FMO5: variants seen among roughly 807,000 people sequenced by gnomAD.
FMO5 encodes the protein flavin containing dimethylaniline monoxygenase 5, also known as flavin-containing monooxygenase 5.
FMO5 carries 51 observed loss-of-function variants against 43.6 expected under a neutral mutation model. That is an observed-to-expected ratio of 1.17 (90% confidence interval 0.93 to 1.48). The LOEUF (loss-of-function observed/expected upper bound fraction) is 1.48, where lower values mean the gene tolerates loss of function less well. FMO5 is among the 40% of genes most tolerant of loss of function. The pLI, the probability that FMO5 is intolerant of heterozygous loss-of-function variation, is 0.00. For missense variants in FMO5, 644 were observed against 643.0 expected (o/e 1.00, Z -0.02); for synonymous variants, 187 against 216.5 (o/e 0.86, Z 1.20).
chr1:147,191,314 T>C (rs1377762173), intron 7 of FMO5, among the ~76,000 whole-genome samples: 2 of 152,108 alleles, frequency 1.3e-5, no homozygotes, highest in African/African-American at 2.4e-5. Context: ...TGTAAAAGTG[T>C]TCCTATTTCT....
At chr1:147,197,770 G>C (rs1658264589) in intron 7 of FMO5, among the ~76,000 whole-genome samples, 1 of 152,170 alleles carries the variant, frequency 6.6e-6, no homozygotes, top group Non-Finnish European at 1.5e-5. Context: ...AGCAGCATGA[G>C]AATGGGCTAA....
In FMO5 at chr1:147,186,441, A is replaced by G; in HGVS notation, c.*459T>C. ...AACATTATTTCTCTTATCTCTCAGG[A>G]AACATATTTAGTTATAATATGAAAA... On this transcript the variant is annotated 3_prime_UTR_variant, in exon 9 of 9. Coordinates refer to ENST00000254090, the MANE Select transcript of FMO5 (RefSeq NM_001461.4). The G allele has an allele frequency of 2.2e-6, 2 of 916,784 alleles. No homozygotes were observed. The highest frequency in any genetic ancestry group is 2.6e-6 in the Non-Finnish European group (2 of 767,420). 56.8% of individuals were successfully genotyped at this position (916,784 alleles called of 1,614,324 possible). A position where few individuals can be genotyped will look rare whatever the true frequency, so the allele number is the denominator to read the frequency against.
chr1:147,191,628 C>A (rs111641621), intron 7 of FMO5, among the ~76,000 whole-genome samples: 1 of 149,320 alleles, frequency 6.7e-6, no homozygotes, highest in Non-Finnish European at 1.5e-5. Flanking sequence ...TTCCCATTTT[C>A]TTGGTTGCCT....
In FMO5 at chr1:147,187,158, A is replaced by T. The variant is rs782223954; in HGVS notation, c.1344T>A (p.Asn448Lys). Residue 448 changes from asparagine (N) to lysine (K), a missense_variant, in exon 9 of 9, where the codon AAT becomes AAA. By Grantham distance (94) the Asn-to-Lys change is moderately conservative (BLOSUM62 0). Coordinates refer to ENST00000254090, the MANE Select transcript of FMO5 (RefSeq NM_001461.4). ...ELADLVGVRP[N>K]LLSLAFTDPK... ...GGTCAGTGAAGGCCAGAGACAGCAG[A>T]TTGGGCCTGACCCCCACCAAATCAG... The T allele has an allele frequency of 6.2e-7, 1 of 1,614,128 alleles. No individual in the cohort carries two copies. The highest frequency in any genetic ancestry group is 8.5e-7 in the Non-Finnish European group (1 of 1,180,020).
intron 2 of FMO5, 90 bp from the exon 3 acceptor site, chr1:147,216,032 G>A: frequency 1.1e-6 from 1 of 917,642 alleles, no homozygotes; most frequent in Non-Finnish European, 1.7e-6. Context: ...TTTTCTGAAA[G>A]AAGTGTCAAT....
At chr1:147,202,878 C>A (rs1361859996) in intron 6 of FMO5, among the ~76,000 whole-genome samples, 1 of 152,120 alleles carries the variant, frequency 6.6e-6, no homozygotes, top group Non-Finnish European at 1.5e-5. Context: ...TATCTGGTCA[C>A]CAAGCCTTTT....
intron 7 of FMO5, among the ~76,000 whole-genome samples, chr1:147,193,382 A>G (rs115390184): frequency 0.037 from 5,600 of 151,876 alleles, 150 homozygotes; most frequent in South Asian, 0.095. Flanking sequence ...TACTGCATCT[A>G]TTTGATTCTT....
intron 2 of FMO5, among the ~76,000 whole-genome samples, 198 bp from the exon 3 acceptor site, chr1:147,216,140 C>T (rs1553925028): frequency 6.6e-6 from 1 of 152,196 alleles, no homozygotes. Context: ...CAACAGCATA[C>T]AGTTGAAATG....
Position 147,186,462 on chromosome 1 carries a change from G to GAA in FMO5, c.*436_*437dup, listed in dbSNP as rs11387382. On this transcript the variant is annotated 3_prime_UTR_variant, in exon 9 of 9. Coordinates refer to ENST00000254090, the MANE Select transcript of FMO5 (RefSeq NM_001461.4). ...CAGGAAACATATTTAGTTATAATAT[G>GAA]AAAAAAAACTAAAATTGAGCTTCTA... is the stretch of plus-strand genomic sequence containing the variant. 115 of 943,514 alleles carry GAA rather than the reference G, an allele frequency of 1.2e-4. No homozygotes were observed. Among genetic ancestry groups the GAA allele is most frequent in the South Asian group, 1.5e-4 (3 of 20,426 alleles). 58.4% of individuals were successfully genotyped at this position (943,514 alleles called of 1,614,324 possible). A position where few individuals can be genotyped will look rare whatever the true frequency, so the allele number is the denominator to read the frequency against.
chr1:147,226,752 T>G (rs1322320314), upstream of FMO5, among the ~76,000 whole-genome samples: 1 of 152,196 alleles, frequency 6.6e-6, no homozygotes, highest in African/African-American at 2.4e-5. Context: ...GCAACTGATA[T>G]TTTGTTTGTG....
At chr1:147,219,456 C>A (rs587653177) in intron 2 of FMO5, among the ~76,000 whole-genome samples, 2 of 152,126 alleles carry the variant, frequency 1.3e-5, no homozygotes, top group African/African-American at 2.4e-5. Flanking sequence ...AAACTCTCAG[C>A]AAACTAGGAA....
At chr1:147,216,513 C>T (rs782168481) in intron 2 of FMO5, among the ~76,000 whole-genome samples, 4 of 151,996 alleles carry the variant, frequency 2.6e-5, no homozygotes, top group Admixed American at 1.3e-4. Context: ...ACATCTCCAG[C>T]GTTTTCTGGA....
intron 7 of FMO5, among the ~76,000 whole-genome samples, chr1:147,196,544 A>T (rs1658042481): frequency 6.6e-6 from 1 of 152,222 alleles, no homozygotes; most frequent in Non-Finnish European, 1.5e-5. Context: ...ATATAGATAG[A>T]TAAAGAGGTA....
Position 147,187,028 on chromosome 1 carries a change from C to G in FMO5, c.1474G>C (p.Asp492His). ...DGARKAILTT[D>H]DRIRKPLMTR... ...ATCAGAGGCTTCCTGATGCGATCAT[C>G]TGTGGTGAGGATAGCTTTTCGAGCC... The change falls in exon 9 of 9, where the codon GAT (aspartate) becomes CAT (histidine). Residue 492 changes from aspartate to histidine, a missense_variant. Physicochemically the swap from Asp to His is moderately conservative, Grantham distance 81. Transcript: ENST00000254090. The G allele has an allele frequency of 6.2e-7, 1 of 1,614,192 alleles. No homozygotes were observed. The highest frequency in any genetic ancestry group is 8.5e-7 in the Non-Finnish European group (1 of 1,180,026).
intron 3 of FMO5, 22 bp from the exon 4 acceptor site, chr1:147,213,492 A>G: frequency 6.3e-7 from 1 of 1,576,914 alleles, no homozygotes; most frequent in East Asian, 2.3e-5. Flanking sequence ...AGTGATAACC[A>G]CAGGGGACAT....
chr1:147,184,491 G>A, downstream of FMO5: 1 of 1,526,484 alleles, frequency 6.6e-7, no homozygotes, highest in Non-Finnish European at 8.8e-7. The surrounding 1 kb of genome is among the most constrained non-coding windows in gnomAD (Gnocchi z 4.4). Flanking sequence ...ACATTTAGAT[G>A]TTATGTCTCC....
chr1:147,214,012 A>C (rs1661515172), intron 3 of FMO5, among the ~76,000 whole-genome samples: 1 of 152,168 alleles, frequency 6.6e-6, no homozygotes, highest in Non-Finnish European at 1.5e-5. Context: ...TTTACAAAGA[A>C]CTATAAAGAA....
At position 147,201,473 on chromosome 1, in the gene FMO5, C is replaced by G; in HGVS notation, c.862G>C (p.Asp288His). ...CCAGAAATGATACGATTTGGCAGGT[C>G]ATCATTTAAGGTTGGATGCTGACTC... is the stretch of plus-strand genomic sequence containing the variant. Reference protein sequence around the residue: ...ALSQHPTLNDDLPNRIISGLV... With the variant: ...ALSQHPTLNDHLPNRIISGLV... The change falls in exon 7 of 9, where the codon GAC becomes CAC. Residue 288 changes from aspartate to histidine, a missense_variant. By Grantham distance (81) the Asp-to-His change is moderately conservative (BLOSUM62 -1). Coordinates refer to ENST00000254090, the MANE Select transcript of FMO5 (RefSeq NM_001461.4). 6.2e-7 allele frequency: 1 copy of G among 1,613,946 alleles called. No homozygotes were observed. Among genetic ancestry groups the G allele is most frequent in the South Asian group, 1.1e-5 (1 of 91,030 alleles).
Position 147,186,822 on chromosome 1 carries a change from A to C in FMO5, c.*78T>G, listed in dbSNP as rs1031321575. 5 of 1,520,792 alleles carry C rather than the reference A, an allele frequency of 3.3e-6. No individual in the cohort carries two copies. Among genetic ancestry groups the C allele is most frequent in the Non-Finnish European group, 4.4e-6 (5 of 1,138,638 alleles). The allele number at this position is 1,520,792 out of a possible 1,614,324, so 94.2% of individuals were successfully genotyped here. ...TAGATTTCTGGGCAATATGAAACTG[A>C]GAGTCAATCTCGTCAGATTCTGAAG... On this transcript the variant is annotated 3_prime_UTR_variant, in exon 9 of 9. Coordinates refer to ENST00000254090, the MANE Select transcript of FMO5 (RefSeq NM_001461.4).
Sources: gnomAD v4.1 joint callset for allele counts (sites outside exome capture counted in the v4.1 genomes callset) on GRCh38, gnomAD v4.1.1 for gene constraint, Gnocchi (gnomAD v3.1) non-coding constraint, MANE v1.5 for transcripts, NCBI Gene and HGNC (gene_info 2026-07-23, HGNC 2026-07-21) for gene names.